The following FILIP1 variants were observed in gnomAD, a reference collection of about 807,000 sequenced individuals.
FILIP1 encodes the protein filamin A interacting protein 1, also known as filamin-A-interacting protein 1.
In FILIP1, 61 loss-of-function variants were observed where a neutral mutation model predicts 102.1. The observed-to-expected ratio is 0.60, with a 90% CI of 0.49 to 0.74. FILIP1 has a LOEUF of 0.74. Ranked by LOEUF, FILIP1 falls within the 30% of genes least tolerant of loss-of-function variation. The pLI is 0.00. For missense variants in FILIP1, 1,314 were observed against 1,441.2 expected, an observed-to-expected ratio of 0.91 and a Z score of 1.43; for synonymous variants, 491 against 526.9, an observed-to-expected ratio of 0.93 and a Z score of 0.93.
intron 1 of FILIP1, among the ~76,000 whole-genome samples, chr6:75,439,339 C>G (rs1778126952): frequency 6.6e-6 from 1 of 151,104 alleles, no homozygotes; most frequent in Non-Finnish European, 1.5e-5. Context: ...GCACTCCAGC[C>G]TGGGCGACAA....
intron 6 of FILIP1, among the ~76,000 whole-genome samples, chr6:75,296,341 T>TTGTGTGTGTGTGTG (rs57430339): frequency 7.1e-6 from 1 of 141,484 alleles, no homozygotes; most frequent in African/African-American, 2.7e-5. Flanking sequence ...TTCAATTTCT[T>TTGTGTGTGTGTGTG]TGTGTGTGTG....
At chr6:75,417,982 A>G (rs1011793803) in intron 1 of FILIP1, among the ~76,000 whole-genome samples, 1 of 152,086 alleles carries the variant, frequency 6.6e-6, no homozygotes, top group Non-Finnish European at 1.5e-5. Context: ...TGGATCACCT[A>G]AGGTCGGGAG....
intron 1 of FILIP1, among the ~76,000 whole-genome samples, chr6:75,435,463 C>T (rs958454514): frequency 6.6e-6 from 1 of 152,184 alleles, no homozygotes; most frequent in African/African-American, 2.4e-5. Context: ...TTTGATTCGG[C>T]CCAGATTCCA....
At chr6:75,302,087 G>A (rs1002445748) in intron 6 of FILIP1, among the ~76,000 whole-genome samples, 3 of 152,128 alleles carry the variant, frequency 2.0e-5, no homozygotes, top group Non-Finnish European at 2.9e-5. Context: ...ACTCATGCAT[G>A]TACTGTGTGT....
intron 2 of FILIP1, among the ~76,000 whole-genome samples, chr6:75,372,393 A>C (rs1007130580): frequency 8.6e-5 from 13 of 150,524 alleles, no homozygotes; most frequent in East Asian, 1.9e-4. Flanking sequence ...AAAGGAATTA[A>C]TATCCATATC....
At chr6:75,304,610 A>G (rs1344786312), downstream of FILIP1, among the ~76,000 whole-genome samples, 2 of 152,244 alleles carry the variant, frequency 1.3e-5, no homozygotes, top group Non-Finnish European at 2.9e-5. Flanking sequence ...TCATATTGGG[A>G]AAATGAGAAA....
At chr6:75,346,109 A>T (rs572992780) in intron 4 of FILIP1, among the ~76,000 whole-genome samples, 1 of 152,354 alleles carries the variant, frequency 6.6e-6, no homozygotes, top group East Asian at 1.9e-4. Context: ...CTCTGAGTTT[A>T]TAAGGTACAG....
intron 4 of FILIP1, among the ~76,000 whole-genome samples, chr6:75,345,353 C>CT (rs780956324): frequency 0.04 from 5,659 of 140,632 alleles, 272 homozygotes; most frequent in East Asian, 0.11. Context: ...GCCCCCAAAT[C>CT]TTTTTTTTTT....
Position 75,353,541 on chromosome 6 carries a change from C to T in FILIP1, c.627G>A (p.Glu209=), listed in dbSNP as rs1483899016. 4 of 1,614,030 alleles carry T rather than the reference C, an allele frequency of 2.5e-6. No homozygotes were observed. Among genetic ancestry groups the T allele is most frequent in the Non-Finnish European group, 3.4e-6 (4 of 1,180,026 alleles). The change falls in exon 4 of 6, where the codon GAG becomes GAA. Residue 209 remains glutamate, a splice_region_variant and synonymous_variant. Coordinates refer to ENST00000237172, the MANE Select transcript of FILIP1 (RefSeq NM_015687.5). The stretch of plus-strand genomic sequence containing the variant: ...CTGGTGGTGTGTGTGCACATTACCT[C>T]TCCCGCTCCTGCTCCAGCAGGTTGG... ...DFTNLLEQER[E]RLKKLLEQEK...
intron 1 of FILIP1, among the ~76,000 whole-genome samples, chr6:75,450,402 T>C (rs1198608205): frequency 6.6e-6 from 1 of 152,032 alleles, no homozygotes; most frequent in East Asian, 1.9e-4. Context: ...TAATTAACAT[T>C]TTGGGAGGCC....
At position 75,312,790 on chromosome 6, in the gene FILIP1, T is replaced by C. The variant is rs200562337; in HGVS notation, c.3042A>G (p.Thr1014=). 99 of 1,614,084 alleles carry C rather than the reference T, an allele frequency of 6.1e-5. No homozygotes were observed. The highest frequency in any genetic ancestry group is 1.6e-4 in the Middle Eastern group (1 of 6,084). ...TSPIQIMTVS[T]SAAPAEIAVS... ...CTGCAATCTCAGCTGGTGCTGCTGATGTAGACACCGTCATTATCTGAATAG... is the reference window on the plus strand; with the variant it reads ...CTGCAATCTCAGCTGGTGCTGCTGACGTAGACACCGTCATTATCTGAATAG... Residue 1014 remains threonine, a synonymous_variant, in exon 5 of 6, where the codon ACA becomes ACG. Transcript: ENST00000237172.
intron 4 of FILIP1, among the ~76,000 whole-genome samples, chr6:75,321,735 A>G (rs1344862335): frequency 6.6e-6 from 1 of 151,978 alleles, no homozygotes; most frequent in Non-Finnish European, 1.5e-5. Context: ...CGGAGCTTGC[A>G]GTGAGCCGAG....
chr6:75,392,359 A>C (rs1380506701), intron 2 of FILIP1, among the ~76,000 whole-genome samples: 3 of 152,142 alleles, frequency 2.0e-5, no homozygotes, highest in Admixed American at 6.6e-5. Flanking sequence ...CCAAAGTTTC[A>C]GATTCAAATC....
At chr6:75,388,157 T>C (rs1450034677) in intron 2 of FILIP1, among the ~76,000 whole-genome samples, 2 of 152,186 alleles carry the variant, frequency 1.3e-5, no homozygotes, top group Admixed American at 6.5e-5. Flanking sequence ...CCCCATTGCT[T>C]GTTTTTATCA....
At chr6:75,355,060 G>A (rs946684716) in intron 3 of FILIP1, among the ~76,000 whole-genome samples, 3 of 152,190 alleles carry the variant, frequency 2.0e-5, no homozygotes, top group Middle Eastern at 6.8e-3. Flanking sequence ...TTTGAGAGGC[G>A]GAGGCGTGTG....
chr6:75,477,762 C>T (rs1249706519), intron 1 of FILIP1, among the ~76,000 whole-genome samples: 2 of 151,770 alleles, frequency 1.3e-5, no homozygotes, highest in African/African-American at 2.4e-5. Context: ...GAGGAAAAGG[C>T]GAAGAGAGGG....
At chr6:75,442,482 C>T (rs562892413) in intron 1 of FILIP1, among the ~76,000 whole-genome samples, 3 of 151,844 alleles carry the variant, frequency 2.0e-5, no homozygotes, top group Admixed American at 1.3e-4. Flanking sequence ...CTGAGTGAAC[C>T]AGACTCCGTC....
intron 4 of FILIP1, among the ~76,000 whole-genome samples, chr6:75,349,408 G>A (rs1339457969): frequency 6.6e-6 from 1 of 151,778 alleles, no homozygotes. Flanking sequence ...GAGACAGCCT[G>A]CAGAGTCTCA....
chr6:75,426,793 T>A (rs1316306988), intron 1 of FILIP1, among the ~76,000 whole-genome samples: 1 of 152,118 alleles, frequency 6.6e-6, no homozygotes, highest in Non-Finnish European at 1.5e-5. Context: ...AGGATGGGCT[T>A]CACAGGCATG....
Sources: allele counts gnomAD v4.1 joint callset (sites outside exome capture counted in the v4.1 genomes callset), GRCh38; gene constraint gnomAD v4.1.1; transcripts MANE v1.5; gene names NCBI Gene and HGNC (gene_info 2026-07-23, HGNC 2026-07-21).